DOK5: variants seen among roughly 807,000 people sequenced by gnomAD.
The protein encoded by DOK5 is docking protein 5.
DOK5 carries 27 observed loss-of-function variants against 43.3 expected under a neutral mutation model. The ratio of observed to expected loss-of-function variants is 0.62; its 90% confidence interval spans 0.46 to 0.86. The LOEUF is 0.86. Among genes scored for constraint, DOK5 ranks in the 40% least tolerant of loss-of-function variants. The pLI is 0.00. For missense variants in DOK5, 373 were observed against 392.9 expected (o/e 0.95, Z 0.43); for synonymous variants, 146 against 140.1 (o/e 1.04, Z -0.30).
rs1600648961 is a variant in DOK5, at chr20:54,480,928, TC to T, written c.66+4917del. ...ATCTATCTATCTATCTATCTATCAATCATCTATCATCTATCTATCTATCATC... is the reference window on the plus strand; with the variant it reads ...ATCTATCTATCTATCTATCTATCAATATCTATCATCTATCTATCTATCATC... On this transcript the variant is annotated intron_variant, in intron 1 of 7. Coordinates refer to ENST00000262593, the MANE Select transcript of DOK5 (RefSeq NM_018431.5). Among the ~76,000 whole-genome samples the T allele has an allele frequency of 1.7e-3, 215 of 129,574 alleles. 1 individual carries two copies. The highest frequency in any genetic ancestry group is 4.6e-3 in the African/African-American group (144 of 31,166). The allele number at this position is 129,574 out of a possible 152,430, so 85.0% of individuals were successfully genotyped here.
intron 1 of DOK5, among the ~76,000 whole-genome samples, chr20:54,513,733 G>A (rs1256104190): frequency 3.3e-5 from 5 of 152,138 alleles, no homozygotes; most frequent in African/African-American, 9.7e-5. Context: ...AGCTGATGTT[G>A]ACTATCCTTT....
At chr20:54,528,376 C>T (rs559898445) in intron 1 of DOK5, among the ~76,000 whole-genome samples, 5 of 151,918 alleles carry the variant, frequency 3.3e-5, no homozygotes, top group African/African-American at 4.8e-5. Context: ...AAGTTAGTAT[C>T]GTAGTTCCAT....
intron 6 of DOK5, among the ~76,000 whole-genome samples, chr20:54,624,108 C>T (rs6014090): frequency 6.6e-6 from 1 of 152,172 alleles, no homozygotes; most frequent in East Asian, 1.9e-4. Flanking sequence ...AGCTCATAGC[C>T]TAGTACTCAG....
At position 54,610,425 on chromosome 20, in the gene DOK5, A is replaced by T; in HGVS notation, c.637A>T (p.Thr213Ser). ...ETGEGLFIFQ[T>S]RDGEAIYQKV... is the part of the protein sequence containing the mutation. The stretch of plus-strand genomic sequence containing the variant: ...TGGTGAAGGGCTGTTTATCTTTCAG[A>T]CCCGAGACGGGGAGGCCATCTATCA... Residue 213 changes from threonine (T) to serine (S), a missense_variant, in exon 6 of 8, where the codon ACC becomes TCC. Coordinates refer to ENST00000262593, the MANE Select transcript of DOK5 (RefSeq NM_018431.5). 1.3e-6 allele frequency: 2 copies of T among 1,596,968 alleles called. No individual in the cohort carries two copies. Among genetic ancestry groups the T allele is most frequent in the Non-Finnish European group, 1.7e-6 (2 of 1,172,432 alleles).
intron 2 of DOK5, among the ~76,000 whole-genome samples, chr20:54,563,014 G>A (rs1984961016): frequency 6.6e-6 from 1 of 152,170 alleles, no homozygotes; most frequent in Admixed American, 6.5e-5. Context: ...TATAAGAAGA[G>A]ACACAGACCC....
At chr20:54,610,266 C>T in intron 5 of DOK5, 122 bp from the exon 6 acceptor site, 2 of 1,065,838 alleles carry the variant, frequency 1.9e-6, no homozygotes, top group African/African-American at 1.6e-5. Context: ...CTTTGTTTAA[C>T]AAATGTGAAC....
intron 5 of DOK5, among the ~76,000 whole-genome samples, chr20:54,607,307 T>A (rs1159990815): frequency 6.6e-6 from 1 of 152,150 alleles, no homozygotes; most frequent in Non-Finnish European, 1.5e-5. Context: ...CCCTAGGTCA[T>A]AGTGAGTTTG....
At chr20:54,502,278 C>G (rs368233102) in intron 1 of DOK5, among the ~76,000 whole-genome samples, 47 of 152,254 alleles carry the variant, frequency 3.1e-4, no homozygotes, top group African/African-American at 1.1e-3. Context: ...ATCTATTCAA[C>G]GACTTTTCAT....
intron 7 of DOK5, among the ~76,000 whole-genome samples, chr20:54,647,831 C>A (rs6127244): frequency 0.17 from 25,294 of 152,106 alleles, 2,979 homozygotes; most frequent in East Asian, 0.49. Context: ...TTGTTTAAAC[C>A]AAAGCTCTGC....
At chr20:54,624,081 G>A (rs1392977758) in intron 6 of DOK5, among the ~76,000 whole-genome samples, 1 of 152,186 alleles carries the variant, frequency 6.6e-6, no homozygotes, top group African/African-American at 2.4e-5. Context: ...ATGAGGTAAG[G>A]CCCCTGTCTT....
intron 5 of DOK5, among the ~76,000 whole-genome samples, chr20:54,605,444 C>A (rs1005843962): frequency 2.0e-5 from 3 of 152,204 alleles, no homozygotes; most frequent in African/African-American, 7.2e-5. Context: ...CACATGCACA[C>A]TTGTGCTCTG....
At chr20:54,557,199 G>C (rs1984734801) in intron 2 of DOK5, among the ~76,000 whole-genome samples, 1 of 152,200 alleles carries the variant, frequency 6.6e-6, no homozygotes, top group Non-Finnish European at 1.5e-5. Flanking sequence ...GCCAAGGTCT[G>C]ATAATGGTCT....
intron 5 of DOK5, among the ~76,000 whole-genome samples, chr20:54,596,502 G>A (rs1214671231): frequency 2.0e-5 from 3 of 152,202 alleles, no homozygotes; most frequent in East Asian, 3.8e-4. Flanking sequence ...AAAGCTGACA[G>A]TGGGGCATGT....
intron 1 of DOK5, among the ~76,000 whole-genome samples, chr20:54,500,703 G>A (rs911054718): frequency 6.6e-6 from 1 of 151,274 alleles, no homozygotes; most frequent in African/African-American, 2.4e-5. Flanking sequence ...CTGGGATTAC[G>A]GGCATGTGCC....
chr20:54,607,862 G>A (rs1043506608), intron 5 of DOK5, among the ~76,000 whole-genome samples: 4 of 150,942 alleles, frequency 2.7e-5, no homozygotes, highest in South Asian at 2.1e-4. Flanking sequence ...CAGCCTGGGC[G>A]ACAGAGCGAG....
At chr20:54,626,360 A>G (rs1555837440) in intron 6 of DOK5, among the ~76,000 whole-genome samples, 1 of 152,204 alleles carries the variant, frequency 6.6e-6, no homozygotes, top group Non-Finnish European at 1.5e-5. Context: ...GAGTGGCTCC[A>G]TCTGGCTCTT....
chr20:54,648,797 T>G (rs1979562932), intron 7 of DOK5, among the ~76,000 whole-genome samples: 1 of 152,156 alleles, frequency 6.6e-6, no homozygotes, highest in Non-Finnish European at 1.5e-5. Context: ...GGAGAGGAAG[T>G]GGGAGACTAG....
chr20:54,610,520 G>A lies in DOK5; in HGVS notation c.732G>A (p.Ser244=), dbSNP rs761682072. The change falls in exon 6 of 8, where the codon TCG becomes TCA. Residue 244 remains serine (S), a synonymous_variant. Coordinates refer to ENST00000262593, the MANE Select transcript of DOK5 (RefSeq NM_018431.5). ...GCTTGCTACAGAGTGTGAAAAACTCGATGGTACGTTTGGAATTTCTTCCTC... is the reference window on the plus strand; with the variant it reads ...GCTTGCTACAGAGTGTGAAAAACTCAATGGTACGTTTGGAATTTCTTCCTC... ...HERLLQSVKN[S]MLQMKMSERA... is the part of the protein sequence containing the mutation. 11 of 1,497,062 alleles carry A rather than the reference G, an allele frequency of 7.3e-6. No homozygotes were observed. The highest frequency in any genetic ancestry group is 2.7e-5 in the South Asian group (2 of 74,318). 92.7% of individuals were successfully genotyped at this position (1,497,062 alleles called of 1,614,324 possible). A position where few individuals can be genotyped will look rare whatever the true frequency, so the allele number is the denominator to read the frequency against.
intron 2 of DOK5, among the ~76,000 whole-genome samples, chr20:54,570,098 T>C (rs1011924525): frequency 9.2e-5 from 14 of 152,224 alleles, no homozygotes; most frequent in African/African-American, 2.4e-4. Flanking sequence ...ATTTAAGCCA[T>C]TGGTATTTTT....
Sources: gnomAD v4.1 joint callset for allele counts (sites outside exome capture counted in the v4.1 genomes callset) on GRCh38, gnomAD v4.1.1 for gene constraint, MANE v1.5 for transcripts, NCBI Gene and HGNC (gene_info 2026-07-23, HGNC 2026-07-21) for gene names.